Variants in CNIH3 observed in about 807,000 individuals in gnomAD.
CNIH3 encodes the protein protein cornichon homolog 3.
A neutral mutation model predicts 24.1 loss-of-function variants in CNIH3; 14 were observed. The ratio of observed to expected loss-of-function variants is 0.58; its 90% CI spans 0.38 to 0.91. CNIH3 has a LOEUF of 0.91. Ranked by LOEUF, CNIH3 falls within the 40% of genes least tolerant of loss-of-function variation. CNIH3 has a pLI of 0.00. For missense variants in CNIH3, 178 were observed against 196.8 expected (o/e 0.90, Z 0.57); for synonymous variants, 68 against 73.8 (o/e 0.92, Z 0.40).
chr1:224,467,347 T>A (rs1283596612), intron 1 of CNIH3, among the ~76,000 whole-genome samples: 1 of 152,198 alleles, frequency 6.6e-6, no homozygotes, highest in Non-Finnish European at 1.5e-5. Flanking sequence ...TTTCATTCTC[T>A]TAACAGGAGC....
intron 1 of CNIH3, among the ~76,000 whole-genome samples, chr1:224,642,818 G>A (rs1015722588): frequency 5.3e-5 from 8 of 152,152 alleles, no homozygotes; most frequent in Non-Finnish European, 1.2e-4. Context: ...CACATATCTG[G>A]GTCTTGCATC....
chr1:224,672,683 T>G (rs1163068905), intron 1 of CNIH3, among the ~76,000 whole-genome samples: 2 of 152,172 alleles, frequency 1.3e-5, no homozygotes, highest in Non-Finnish European at 2.9e-5. Flanking sequence ...TCTTTTCTAA[T>G]TACACCTGCA....
chr1:224,737,691 T>C (rs1227829928), intron 5 of CNIH3, among the ~76,000 whole-genome samples: 1 of 152,184 alleles, frequency 6.6e-6, no homozygotes, highest in Non-Finnish European at 1.5e-5. Context: ...TAGTTTATAG[T>C]TTGAGCTCCC....
At chr1:224,687,045 C>G (rs1013898589) in intron 3 of CNIH3, among the ~76,000 whole-genome samples, 2 of 152,092 alleles carry the variant, frequency 1.3e-5, no homozygotes, top group Non-Finnish European at 2.9e-5. Context: ...TACTCATCGT[C>G]GTGGAAAATA....
At chr1:224,529,208 CTTTG>C (rs1246473414) in intron 2 of CNIH3, 2 of 152,238 alleles carry the variant, frequency 1.3e-5, no homozygotes, top group South Asian at 4.1e-4. Flanking sequence ...TTTGTTCTTA[CTTTG>C]TTTGTGTTAC....
chr1:224,575,628 T>A (rs1216725715), intron 4 of CNIH3, among the ~76,000 whole-genome samples: 1 of 152,110 alleles, frequency 6.6e-6, no homozygotes, highest in East Asian at 1.9e-4. Context: ...TACCCTTTTC[T>A]GACCAAAGAG....
chr1:224,539,261 TC>T (rs1157001338), downstream of CNIH3, among the ~76,000 whole-genome samples: 2 of 152,226 alleles, frequency 1.3e-5, no homozygotes, highest in Non-Finnish European at 2.9e-5. Flanking sequence ...TCAGTCGTCT[TC>T]CATTTCTTGT....
chr1:224,600,426 A>T (rs1026887762), intron 3 of CNIH3, among the ~76,000 whole-genome samples: 8 of 152,150 alleles, frequency 5.3e-5, no homozygotes, highest in Non-Finnish European at 1.2e-4. Context: ...TCCCAACCTC[A>T]GGTGACCTGC....
At chr1:224,699,328 T>G (rs1180278808) in intron 3 of CNIH3, among the ~76,000 whole-genome samples, 1 of 152,236 alleles carries the variant, frequency 6.6e-6, no homozygotes, top group African/African-American at 2.4e-5. Flanking sequence ...GAAACTGATG[T>G]CTTGAGAGAA....
intron 1 of CNIH3, among the ~76,000 whole-genome samples, chr1:224,510,680 C>G (rs2124892524): frequency 6.6e-6 from 1 of 152,098 alleles, no homozygotes; most frequent in Non-Finnish European, 1.5e-5. Flanking sequence ...AGTCATTGAC[C>G]TTGATGCTGT....
chr1:224,479,274 C>T (rs1676709472), intron 1 of CNIH3, among the ~76,000 whole-genome samples: 1 of 151,276 alleles, frequency 6.6e-6, no homozygotes, highest in South Asian at 2.1e-4. Context: ...CTGCCTCAGC[C>T]TCCCAAGTAG....
chr1:224,701,142 A>G (rs1482896747), intron 3 of CNIH3, among the ~76,000 whole-genome samples: 4 of 149,906 alleles, frequency 2.7e-5, no homozygotes, highest in African/African-American at 9.8e-5. Context: ...GCTTCTGGAG[A>G]GGCCACTAGG....
chr1:224,489,753 T>C (rs1482496293), intron 1 of CNIH3, among the ~76,000 whole-genome samples: 1 of 152,160 alleles, frequency 6.6e-6, no homozygotes, highest in East Asian at 1.9e-4. Context: ...ACAACAAACA[T>C]TGATTTTTCG....
intron 3 of CNIH3, among the ~76,000 whole-genome samples, chr1:224,601,398 G>A (rs1682202793): frequency 6.6e-6 from 1 of 152,162 alleles, no homozygotes; most frequent in South Asian, 2.1e-4. Flanking sequence ...CCGCCATTTT[G>A]CCGCTTAGTG....
intron 1 of CNIH3, among the ~76,000 whole-genome samples, chr1:224,654,436 T>C (rs940417626): frequency 6.6e-6 from 1 of 152,202 alleles, no homozygotes; most frequent in Non-Finnish European, 1.5e-5. Flanking sequence ...GATGCATGCC[T>C]CCTTGCTGTA....
intron 1 of CNIH3, among the ~76,000 whole-genome samples, chr1:224,666,180 C>G (rs962667368): frequency 6.6e-6 from 1 of 152,176 alleles, no homozygotes; most frequent in African/African-American, 2.4e-5. Flanking sequence ...AAGCCAGAAC[C>G]CAAACTCAGG....
intron 1 of CNIH3, among the ~76,000 whole-genome samples, chr1:224,620,742 G>A (rs1357654079): frequency 1.3e-5 from 2 of 152,020 alleles, no homozygotes; most frequent in Non-Finnish European, 1.5e-5. Flanking sequence ...GCTCATGCTC[G>A]TAATCCCAGC....
intron 5 of CNIH3, among the ~76,000 whole-genome samples, chr1:224,736,756 C>T (rs1030527753): frequency 1.4e-4 from 22 of 152,172 alleles, no homozygotes; most frequent in Admixed American, 9.8e-4. Flanking sequence ...GAGATTTCTA[C>T]GGTGCCCAGT....
At chr1:224,441,065 C>G (rs866518655) in intron 1 of CNIH3, among the ~76,000 whole-genome samples, 4 of 152,184 alleles carry the variant, frequency 2.6e-5, no homozygotes, top group African/African-American at 7.2e-5. Context: ...ATCCGCCCCC[C>G]TCGGCCTCCC....
Sources: gnomAD v4.1 joint callset for allele counts (sites outside exome capture counted in the v4.1 genomes callset) on GRCh38, gnomAD v4.1.1 for gene constraint, MANE v1.5 for transcripts, NCBI Gene and HGNC (gene_info 2026-07-23, HGNC 2026-07-21) for gene names.